UQCRFS1: variants seen among roughly 807,000 people sequenced by gnomAD.
UQCRFS1 encodes the protein ubiquinol-cytochrome c reductase, Rieske iron-sulfur polypeptide 1.
UQCRFS1 carries 6 observed loss-of-function variants against 15.6 expected under a neutral mutation model. The observed-to-expected ratio is 0.38, with a 90% CI of 0.21 to 0.76. UQCRFS1 has a LOEUF of 0.76. UQCRFS1 is among the 30% of genes least tolerant of loss of function. UQCRFS1 has a pLI of 0.44. For synonymous variants in UQCRFS1, 105 were observed against 154.3 expected (o/e 0.68, Z 2.37); for missense variants, 203 against 366.7 (o/e 0.55, Z 3.65).
rs764576836 is a variant in UQCRFS1 at position 29,207,965 on chromosome 19, G to A, written c.408C>T (p.Phe136=). 1.3e-4 allele frequency: 216 copies of A among 1,613,964 alleles called. No homozygotes were observed. The highest frequency in any genetic ancestry group is 1.8e-4 in the Non-Finnish European group (209 of 1,179,858). The change falls in exon 2 of 2, where the codon TTC becomes TTT. Residue 136 remains phenylalanine (F), a synonymous_variant. Transcript: ENST00000304863. ...CAGCAGAAGCACTCATGCTGGAAAC[G>A]AACTGGGTGACGGCATTCTTGGCAG... ...AYAAKNAVTQ[F]VSSMSASADV... is the part of the protein sequence containing the mutation.
At chr19:29,210,836 T>C (rs1315792395) in intron 1 of UQCRFS1, among the ~76,000 whole-genome samples, 2 of 152,146 alleles carry the variant, frequency 1.3e-5, no homozygotes, top group African/African-American at 4.8e-5. Flanking sequence ...AAATGTGTCT[T>C]TATAGCAGCA....
chr19:29,211,239 C>T (rs1976642975), intron 1 of UQCRFS1, among the ~76,000 whole-genome samples: 2 of 151,972 alleles, frequency 1.3e-5, no homozygotes, highest in Non-Finnish European at 2.9e-5. Context: ...AGACACTTCT[C>T]AAAAGAAGAC....
At chr19:29,208,208 A>C in intron 1 of UQCRFS1, 50 bp from the exon 2 acceptor site, 1 of 1,547,286 alleles carries the variant, frequency 6.5e-7, no homozygotes. Context: ...AGTATCCCGA[A>C]GGGAGTATAT....
intron 1 of UQCRFS1, among the ~76,000 whole-genome samples, chr19:29,210,836 T>G (rs1315792395): frequency 6.6e-6 from 1 of 152,146 alleles, no homozygotes; most frequent in East Asian, 1.9e-4. Context: ...AAATGTGTCT[T>G]TATAGCAGCA....
At chr19:29,211,818 T>C (rs1976653922) in intron 1 of UQCRFS1, among the ~76,000 whole-genome samples, 1 of 152,182 alleles carries the variant, frequency 6.6e-6, no homozygotes, top group African/African-American at 2.4e-5. Context: ...GGCAATTTGG[T>C]TAGCGTGTAG....
rs201777347 is a variant in UQCRFS1, at chr19:29,207,843, C to T, written c.530G>A (p.Arg177His). The T allele has an allele frequency of 2.3e-5, 37 of 1,613,992 alleles. No individual in the cohort carries two copies. Among genetic ancestry groups the T allele is most frequent in the Non-Finnish European group, 2.9e-5 (34 of 1,179,878 alleles). ...FKWRGKPLFV[R>H]HRTQKEIEQE... is the part of the protein sequence containing the mutation. ...CTCAATTTCCTTCTGGGTTCTATGA[C>T]GCACAAACAGGGGTTTGCCTCTCCA... Residue 177 changes from arginine (R) to histidine (H), a missense_variant, in exon 2 of 2, where the codon CGT becomes CAT. Physicochemically the swap from Arg to His is conservative, Grantham distance 29. Around this residue, in one of 3 missense-constraint regions of UQCRFS1, gnomAD observed 91 missense variants for 186.9 expected, o/e 0.49. Coordinates refer to ENST00000304863, the MANE Select transcript of UQCRFS1 (RefSeq NM_006003.3).
chr19:29,212,844 G>C (rs1414913929), intron 1 of UQCRFS1, 61 bp downstream of exon 1: 8 of 1,351,088 alleles, frequency 5.9e-6, no homozygotes, highest in Non-Finnish European at 9.4e-7. Context: ...CCCTGCTGGG[G>C]GCCGGAGGAG....
At position 29,207,453 on chromosome 19, in the gene UQCRFS1, T is replaced by G; in HGVS notation, c.*95A>C. ...AATACATCATCAATTCTTACATATT[T>G]CAAATCAACTTCAAGTACAGAAGGC... On this transcript the variant is annotated 3_prime_UTR_variant, in exon 2 of 2. Coordinates refer to ENST00000304863, the MANE Select transcript of UQCRFS1 (RefSeq NM_006003.3). 7.3e-7 allele frequency: 1 copy of G among 1,361,340 alleles called. No homozygotes were observed. The highest frequency in any genetic ancestry group is 9.9e-7 in the Non-Finnish European group (1 of 1,011,124). 84.3% of individuals were successfully genotyped at this position (1,361,340 alleles called of 1,614,324 possible).
Position 29,206,910 on chromosome 19 carries a change from A to G in UQCRFS1, c.*638T>C, listed in dbSNP as rs1976599365. 1 of 152,414 alleles carries G rather than the reference A, an allele frequency of 6.6e-6. No homozygotes were observed. Among genetic ancestry groups the G allele is most frequent in the Non-Finnish European group, 1.5e-5 (1 of 68,198 alleles). The allele number at this position is 152,414 out of a possible 1,614,324, so 9.4% of individuals were successfully genotyped here. On this transcript the variant is annotated 3_prime_UTR_variant, in exon 2 of 2. Transcript: ENST00000304863. Reference sequence around the variant, plus strand: ...AAGGATTAAGTACTAATTTACACTCATAAGGGACTAATAAAATTTCCTGGC... The same window carrying G: ...AAGGATTAAGTACTAATTTACACTCGTAAGGGACTAATAAAATTTCCTGGC...
chr19:29,207,277 C>G lies in UQCRFS1; in HGVS notation c.*271G>C, dbSNP rs1568344461. On this transcript the variant is annotated 3_prime_UTR_variant, in exon 2 of 2. Transcript: ENST00000304863. ...ACAGATTTCACAAGTATCTTGTACA[C>G]CAGTCTGTAATTTTTAATTAGAATT... 2.1e-5 allele frequency: 7 copies of G among 330,780 alleles called. No homozygotes were observed. Among genetic ancestry groups the G allele is most frequent in the Non-Finnish European group, 3.8e-5 (7 of 182,054 alleles). 20.5% of individuals were successfully genotyped at this position (330,780 alleles called of 1,614,324 possible).
rs1460715234 is a variant in UQCRFS1, at chr19:29,208,017, C to G, written c.356G>C (p.Gly119Ala). ...ARKGFSYLVTGVTTVGVAYAA... is the reference protein window; with the variant it reads ...ARKGFSYLVTAVTTVGVAYAA... ...ATATGCGACACCCACAGTAGTTACT[C>G]CAGTTACCAAATAGGAGAAACCTTT... The change falls in exon 2 of 2, where the codon GGA becomes GCA. Residue 119 changes from glycine to alanine, a missense_variant. Gly to Ala is a moderately conservative substitution (Grantham distance 60). Transcript: ENST00000304863. 7 of 1,613,892 alleles carry G rather than the reference C, an allele frequency of 4.3e-6. No homozygotes were observed. In the African/African-American group the frequency reaches 5.3e-5, roughly 12 times the overall value.
chr19:29,206,773 G>A lies in UQCRFS1; in HGVS notation c.*775C>T, dbSNP rs999550905. 1.3e-5 allele frequency: 2 copies of A among 152,232 alleles called. No individual in the cohort carries two copies. Among genetic ancestry groups the A allele is most frequent in the Non-Finnish European group, 2.9e-5 (2 of 68,046 alleles). The allele number at this position is 152,232 out of a possible 1,614,324, so 9.4% of individuals were successfully genotyped here. On this transcript the variant is annotated 3_prime_UTR_variant, in exon 2 of 2. Transcript: ENST00000304863. ...CTTTCTGCCTCCTGATAGAGTGGAT[G>A]CAGGAACTTTGGGGACATGATGAAC...
At chr19:29,211,209 A>G (rs931270845) in intron 1 of UQCRFS1, among the ~76,000 whole-genome samples, 2 of 151,972 alleles carry the variant, frequency 1.3e-5, no homozygotes, top group South Asian at 2.1e-4. Flanking sequence ...CCCATCAAAA[A>G]GTGGGCGAAG....
intron 1 of UQCRFS1, among the ~76,000 whole-genome samples, chr19:29,210,574 T>C (rs982512811): frequency 7.0e-5 from 10 of 143,830 alleles, no homozygotes; most frequent in East Asian, 2.1e-4. Flanking sequence ...TGTGTTCTCA[T>C]TGTTCAATTC....
intron 1 of UQCRFS1, among the ~76,000 whole-genome samples, chr19:29,212,064 G>A (rs1216448953): frequency 6.6e-6 from 1 of 152,198 alleles, no homozygotes; most frequent in Non-Finnish European, 1.5e-5. Flanking sequence ...TACACAGCCT[G>A]CAGACACACT....
At chr19:29,210,024 C>CAGAA (rs1417982827) in intron 1 of UQCRFS1, among the ~76,000 whole-genome samples, 2 of 152,090 alleles carry the variant, frequency 1.3e-5, no homozygotes, top group Non-Finnish European at 2.9e-5. Context: ...GTCTGACTTT[C>CAGAA]AGTAAGATGC....
chr19:29,208,167 C>G lies in UQCRFS1; in HGVS notation c.215-9G>C. On this transcript the variant is annotated splice_polypyrimidine_tract_variant and intron_variant, in intron 1 of 1. Coordinates refer to ENST00000304863, the MANE Select transcript of UQCRFS1 (RefSeq NM_006003.3). ...ACAAACAGAAGCAGGGACTGCAAGA[C>G]AAACAGAAGGTTAAAAAACACAATT... The G allele has an allele frequency of 6.3e-7, 1 of 1,598,070 alleles. No individual in the cohort carries two copies.
chr19:29,205,429 G>A lies in UQCRFS1; in HGVS notation c.*2119C>T, dbSNP rs376421188. 15 of 152,308 alleles carry A rather than the reference G, an allele frequency of 9.8e-5. No homozygotes were observed. The highest frequency in any genetic ancestry group is 3.6e-4 in the African/African-American group (15 of 41,558). The allele number at this position is 152,308 out of a possible 1,614,324, so 9.4% of individuals were successfully genotyped here. A position where few individuals can be genotyped will look rare whatever the true frequency, so the allele number is the denominator to read the frequency against. ...GGGTACTAAAGCACATTTTGATCCA[G>A]TCAGGACAAATGCCCTCTATACACT... On this transcript the variant is annotated 3_prime_UTR_variant, in exon 2 of 2. Transcript: ENST00000304863.
intron 1 of UQCRFS1, among the ~76,000 whole-genome samples, chr19:29,209,086 G>A (rs1296286532): frequency 6.6e-6 from 1 of 152,100 alleles, no homozygotes; most frequent in Non-Finnish European, 1.5e-5. Context: ...TTGGGAGCAA[G>A]GAGTTTCTTT....
Sources: gnomAD v4.1 joint callset for allele counts (sites outside exome capture counted in the v4.1 genomes callset) on GRCh38, gnomAD v4.1.1 for gene constraint, gnomAD v4.1.1 regional missense constraint, MANE v1.5 for transcripts, NCBI Gene and HGNC (gene_info 2026-07-23, HGNC 2026-07-21) for gene names.